The following WDR93 variants were observed in gnomAD, a reference collection of about 807,000 sequenced individuals.
WDR93 encodes the protein WD repeat-containing protein 93.
WDR93 carries 73 observed loss-of-function variants against 82.9 expected under a neutral mutation model. That is an observed-to-expected ratio of 0.88 (90% CI 0.73 to 1.07). The LOEUF is 1.07. Ranked by LOEUF, WDR93 falls within the 50% of genes least tolerant of loss-of-function variation. The pLI, the probability that WDR93 is intolerant of heterozygous loss-of-function variation, is 0.00. For missense variants in WDR93, 738 were observed against 826.0 expected, an observed-to-expected ratio of 0.89 and a Z score of 1.31; for synonymous variants, 283 against 300.1, an observed-to-expected ratio of 0.94 and a Z score of 0.59.
chr15:89,700,420 A>T (rs1410774361), intron 1 of WDR93, among the ~76,000 whole-genome samples: 1 of 152,262 alleles, frequency 6.6e-6, no homozygotes, highest in East Asian at 1.9e-4. Flanking sequence ...GACTTCATGG[A>T]CCCTAGGCAC....
In WDR93 at chr15:89,701,810, C is replaced by T; in HGVS notation, c.64C>T (p.Pro22Ser). 1 of 1,614,128 alleles carries T rather than the reference C, an allele frequency of 6.2e-7. No homozygotes were observed. The highest frequency in any genetic ancestry group is 2.2e-5 in the East Asian group (1 of 44,888). ...GCACCCCATTGGTACACGAAAGGGA[C>T]CATTGGAGGTGCCACCCCCAACAGA... ...IKHPIGTRKG[P>S]LEVPPPTEKD... Residue 22 changes from proline (P) to serine (S), a missense_variant, in exon 2 of 17, where the codon CCA becomes TCA. Pro to Ser is a moderately conservative substitution (Grantham distance 74). Transcript: ENST00000268130.
chr15:89,740,282 TAACAGGGGC>T (rs1421727853), intron 16 of WDR93, among the ~76,000 whole-genome samples: 2 of 152,132 alleles, frequency 1.3e-5, no homozygotes, highest in Non-Finnish European at 2.9e-5. Flanking sequence ...TACCTGCACT[TAACAGGGGC>T]GTTCAAGTCC....
chr15:89,740,238 G>A (rs1273403692), intron 16 of WDR93, among the ~76,000 whole-genome samples: 2 of 152,122 alleles, frequency 1.3e-5, no homozygotes, highest in Admixed American at 6.6e-5. Flanking sequence ...TTACCACTAG[G>A]TGGCACCATA....
At chr15:89,696,830 T>TA (rs1965202070) in intron 1 of WDR93, among the ~76,000 whole-genome samples, 1 of 152,112 alleles carries the variant, frequency 6.6e-6, no homozygotes, top group Non-Finnish European at 1.5e-5. Context: ...GGTCATATGG[T>TA]AAATATATGT....
rs1020500183 is a variant in WDR93 at position 89,743,474 on chromosome 15, G to A, written c.*83G>A. 8 of 1,342,414 alleles carry A rather than the reference G, an allele frequency of 6.0e-6. No homozygotes were observed. In the East Asian group the frequency reaches 1.4e-4, roughly 24 times the overall value. 83.2% of individuals were successfully genotyped at this position (1,342,414 alleles called of 1,614,324 possible). ...CCAGGACACTGAGGCCAAGAGAAAT[G>A]TAACAGAGCCACAGCTCCACAGGCC... On this transcript the variant is annotated 3_prime_UTR_variant, in exon 17 of 17. Transcript: ENST00000268130.
At chr15:89,726,080 G>C (rs1404063436) in intron 8 of WDR93, among the ~76,000 whole-genome samples, 7 of 152,194 alleles carry the variant, frequency 4.6e-5, no homozygotes, top group African/African-American at 1.4e-4. Context: ...GAAAATACAA[G>C]GGGAATAATG....
intron 4 of WDR93, among the ~76,000 whole-genome samples, chr15:89,706,358 T>C (rs1018853217): frequency 2.6e-5 from 4 of 151,850 alleles, no homozygotes; most frequent in African/African-American, 7.3e-5. Context: ...TCTTGCCATG[T>C]TGTTGCCCAG....
intron 1 of WDR93, among the ~76,000 whole-genome samples, chr15:89,694,680 C>T (rs912501955): frequency 1.3e-5 from 2 of 152,190 alleles, no homozygotes; most frequent in Admixed American, 6.5e-5. Context: ...TGAAGAAACA[C>T]AAGTTTATTT....
At chr15:89,700,342 C>T (rs1965392878) in intron 1 of WDR93, among the ~76,000 whole-genome samples, 1 of 152,078 alleles carries the variant, frequency 6.6e-6, no homozygotes. Flanking sequence ...CATACTCACA[C>T]ATTGAAAGCA....
intron 3 of WDR93, chr15:89,705,305 G>C (rs984705712): frequency 1.8e-5 from 9 of 499,914 alleles, no homozygotes; most frequent in African/African-American, 1.6e-4. Flanking sequence ...TCTTACAGGA[G>C]ACGTCTGGGA....
At chr15:89,706,603 T>A (rs951524759) in intron 4 of WDR93, among the ~76,000 whole-genome samples, 16 of 152,068 alleles carry the variant, frequency 1.1e-4, no homozygotes, top group Non-Finnish European at 1.9e-4. Context: ...CTTCACACCA[T>A]ATATAAAAAT....
At chr15:89,722,850 T>TA (rs11339600) in intron 8 of WDR93, among the ~76,000 whole-genome samples, 34 of 149,428 alleles carry the variant, frequency 2.3e-4, no homozygotes, top group South Asian at 8.5e-4. Flanking sequence ...TAGTTACGAT[T>TA]AAAAAAAAAA....
intron 3 of WDR93, 89 bp downstream of exon 3, chr15:89,703,231 C>T (rs1688867271): frequency 1.4e-6 from 2 of 1,430,678 alleles, no homozygotes. Flanking sequence ...ATTGGTGGGG[C>T]CAGGCATGGA....
At chr15:89,706,502 G>C (rs1223819118) in intron 4 of WDR93, among the ~76,000 whole-genome samples, 1 of 151,814 alleles carries the variant, frequency 6.6e-6, no homozygotes, top group Admixed American at 6.6e-5. Context: ...TGGGCACCAA[G>C]GCAATTCAGT....
intron 7 of WDR93, 97 bp from the exon 8 acceptor site, chr15:89,721,958 T>G (rs1361072406): frequency 1.2e-6 from 1 of 809,992 alleles, no homozygotes; most frequent in East Asian, 2.8e-5. Flanking sequence ...TTTTTCTTTT[T>G]CCCCTTCTTT....
At chr15:89,737,826 T>C (rs1967332787) in intron 15 of WDR93, 97 bp downstream of exon 15, 2 of 1,537,048 alleles carry the variant, frequency 1.3e-6, no homozygotes, top group Non-Finnish European at 1.8e-6. Flanking sequence ...CCCCACTCTG[T>C]GTCCCCCTCT....
intron 1 of WDR93, among the ~76,000 whole-genome samples, chr15:89,692,286 G>A (rs1964931483): frequency 6.6e-6 from 1 of 152,196 alleles, no homozygotes; most frequent in Admixed American, 6.5e-5. Context: ...TTGGTACCCT[G>A]AACATGGTCT....
rs745799018 is a variant in WDR93 at position 89,731,452 on chromosome 15, G to A, written c.1220G>A (p.Gly407Asp). ...TTGTCCTTCCCCCTAGACCCCGAGG[G>A]TGTGTGGCCCTGTGCTGCGCCCATT... ...RTLKDKADPE[G>D]VWPCAAPIAV... The change falls in exon 12 of 17, where the codon GGT becomes GAT. Residue 407 changes from glycine (G) to aspartate (D), a missense_variant. By Grantham distance (94) the Gly-to-Asp change is moderately conservative (BLOSUM62 -1). Coordinates refer to ENST00000268130, the MANE Select transcript of WDR93 (RefSeq NM_020212.2). 16 of 1,614,180 alleles carry A rather than the reference G, an allele frequency of 9.9e-6. No homozygotes were observed. The highest frequency in any genetic ancestry group is 1.3e-5 in the Non-Finnish European group (15 of 1,180,020).
chr15:89,727,376 G>A, intron 9 of WDR93, 48 bp downstream of exon 9: 1 of 1,591,818 alleles, frequency 6.3e-7, no homozygotes, highest in South Asian at 1.1e-5. Flanking sequence ...CCAGGCTTCT[G>A]CTGTCTTGGC....
Sources: gnomAD v4.1 joint callset for allele counts (sites outside exome capture counted in the v4.1 genomes callset) on GRCh38, gnomAD v4.1.1 for gene constraint, MANE v1.5 for transcripts, NCBI Gene and HGNC (gene_info 2026-07-23, HGNC 2026-07-21) for gene names.